The following PGAP1 variants were observed in gnomAD, a reference collection of about 807,000 sequenced individuals.
PGAP1 encodes GPI inositol-deacylase.
In PGAP1, 76 loss-of-function variants were observed where a neutral mutation model predicts 127.0. That is an observed-to-expected ratio of 0.60 (90% CI 0.50 to 0.72). The LOEUF (loss-of-function observed/expected upper bound fraction) is 0.72. Among genes scored for constraint, PGAP1 ranks in the 30% least tolerant of loss-of-function variants. PGAP1 has a pLI of 0.00. For missense variants in PGAP1, 982 were observed against 1,071.3 expected (o/e 0.92, Z 1.16); for synonymous variants, 362 against 366.5 (o/e 0.99, Z 0.14).
intron 7 of PGAP1, among the ~76,000 whole-genome samples, chr2:196,894,802 AAAAAACAAAAAC>A (rs550723911): frequency 2.6e-5 from 4 of 152,260 alleles, no homozygotes; most frequent in East Asian, 1.9e-4. Flanking sequence ...ACTCCGTCTC[AAAAAACAAAAAC>A]AAAAACAAAA....
intron 4 of PGAP1, among the ~76,000 whole-genome samples, chr2:196,904,999 T>G (rs1702646803): frequency 6.6e-6 from 1 of 152,124 alleles, no homozygotes; most frequent in African/African-American, 2.4e-5. Context: ...AAATTTTCAT[T>G]CTAATTTTGA....
At chr2:196,882,681 GTTAT>G (rs1701770742) in intron 12 of PGAP1, among the ~76,000 whole-genome samples, 1 of 152,128 alleles carries the variant, frequency 6.6e-6, no homozygotes, top group Non-Finnish European at 1.5e-5. Context: ...AGGAATGTTA[GTTAT>G]TTTTGCACAT....
chr2:196,847,705 C>T (rs928903836), intron 21 of PGAP1: 6 of 305,412 alleles, frequency 2.0e-5, no homozygotes, highest in Non-Finnish European at 2.4e-5. Context: ...TATTTACAAA[C>T]ATTAAAGGCA....
At chr2:196,903,263 A>C (rs1181316775) in intron 4 of PGAP1, among the ~76,000 whole-genome samples, 1 of 152,046 alleles carries the variant, frequency 6.6e-6, no homozygotes, top group Non-Finnish European at 1.5e-5. Context: ...AAAAAAAAAA[A>C]AAGAGCTGTA....
At chr2:196,860,239 G>GA (rs1701021403) in intron 20 of PGAP1, among the ~76,000 whole-genome samples, 1 of 151,870 alleles carries the variant, frequency 6.6e-6, no homozygotes, top group South Asian at 2.1e-4. Context: ...ATCTGAAAAA[G>GA]AAATCAAGAG....
intron 1 of PGAP1, among the ~76,000 whole-genome samples, chr2:196,921,747 T>C (rs1030387821): frequency 5.3e-5 from 8 of 152,148 alleles, no homozygotes; most frequent in African/African-American, 1.9e-4. Context: ...TGAGAAAGAA[T>C]ATTTTTTAAA....
intron 1 of PGAP1, chr2:196,922,042 T>G (rs1461187359): frequency 1.3e-6 from 1 of 756,426 alleles, no homozygotes; most frequent in Non-Finnish European, 1.7e-6. Flanking sequence ...CAATATAAAT[T>G]TTTTATTCTA....
intron 20 of PGAP1, among the ~76,000 whole-genome samples, chr2:196,864,200 G>A (rs1004674161): frequency 2.0e-5 from 3 of 151,710 alleles, no homozygotes; most frequent in Non-Finnish European, 1.5e-5. Context: ...GACCAGCCTG[G>A]CCAACATGGT....
At chr2:196,915,049 A>G (rs1031715334) in intron 3 of PGAP1, among the ~76,000 whole-genome samples, 2 of 152,102 alleles carry the variant, frequency 1.3e-5, no homozygotes, top group African/African-American at 4.8e-5. Flanking sequence ...TCAATTATTA[A>G]TCCTCATCTT....
At chr2:196,875,523 G>A (rs1327108006) in intron 14 of PGAP1, among the ~76,000 whole-genome samples, 1 of 152,020 alleles carries the variant, frequency 6.6e-6, no homozygotes, top group Non-Finnish European at 1.5e-5. Flanking sequence ...CAGACACATA[G>A]ATACACACAC....
At chr2:196,902,561 A>T (rs1225924839) in intron 5 of PGAP1, 24 bp downstream of exon 5, 2 of 1,574,780 alleles carry the variant, frequency 1.3e-6, no homozygotes, top group East Asian at 2.2e-5. Flanking sequence ...TTACTATTTC[A>T]ATAGAATCTT....
chr2:196,859,001 GA>G lies in PGAP1; in HGVS notation c.1861+5985del, dbSNP rs528133927. ...ATCCAGCCTACCAAGGTTGAATCAA[GA>G]AAAAAAAATAGGAAACCTGAACAGA... On this transcript the variant is annotated intron_variant, in intron 20 of 26. Coordinates refer to ENST00000354764, the MANE Select transcript of PGAP1 (RefSeq NM_024989.4). Among the ~76,000 whole-genome samples, 232 of 150,636 alleles carry G rather than the reference GA, an allele frequency of 1.5e-3. 1 individual carries two copies. Among genetic ancestry groups the G allele is most frequent in the African/African-American group, 5.4e-3 (221 of 41,146 alleles).
At chr2:196,904,530 G>A (rs554353983) in intron 4 of PGAP1, among the ~76,000 whole-genome samples, 2 of 152,184 alleles carry the variant, frequency 1.3e-5, no homozygotes, top group Non-Finnish European at 2.9e-5. Context: ...GAGGTCAAGA[G>A]ATCGAGACCA....
chr2:196,915,524 G>A (rs1384530808), intron 3 of PGAP1, among the ~76,000 whole-genome samples: 1 of 152,186 alleles, frequency 6.6e-6, no homozygotes, highest in Non-Finnish European at 1.5e-5. Flanking sequence ...GTTAATGGCA[G>A]TTCAATCTTT....
At chr2:196,885,991 G>C in intron 10 of PGAP1, 111 bp from the exon 11 acceptor site, 1 of 573,344 alleles carries the variant, frequency 1.7e-6, no homozygotes, top group Non-Finnish European at 2.7e-6. Flanking sequence ...AGGGTGACTA[G>C]GAGCAAGTGA....
intron 14 of PGAP1, among the ~76,000 whole-genome samples, chr2:196,875,067 C>T (rs553445315): frequency 6.6e-6 from 1 of 152,078 alleles, no homozygotes; most frequent in East Asian, 1.9e-4. Flanking sequence ...GAACATTGCA[C>T]AAAATAATTG....
chr2:196,846,308 A>G (rs781592492), intron 22 of PGAP1, among the ~76,000 whole-genome samples: 21 of 152,182 alleles, frequency 1.4e-4, no homozygotes, highest in Non-Finnish European at 2.5e-4. Flanking sequence ...ACTCTGTGCC[A>G]TACATCTCCA....
chr2:196,905,237 A>G (rs1206737545), intron 4 of PGAP1, among the ~76,000 whole-genome samples: 1 of 152,154 alleles, frequency 6.6e-6, no homozygotes, highest in Non-Finnish European at 1.5e-5. Flanking sequence ...CATACACCAC[A>G]CAGAATGCAA....
intron 1 of PGAP1, among the ~76,000 whole-genome samples, chr2:196,921,081 C>G (rs1703177938): frequency 6.6e-6 from 1 of 151,754 alleles, no homozygotes. Flanking sequence ...ATACATAGAT[C>G]TAGCAGTGCT....
Sources: gnomAD v4.1 joint callset for allele counts (sites outside exome capture counted in the v4.1 genomes callset) on GRCh38, gnomAD v4.1.1 for gene constraint, MANE v1.5 for transcripts, NCBI Gene and HGNC (gene_info 2026-07-23, HGNC 2026-07-21) for gene names.